FARS2: variants seen among roughly 807,000 people sequenced by gnomAD.
FARS2 encodes the protein phenylalanyl-tRNA synthetase 2, mitochondrial.
FARS2 carries 40 observed loss-of-function variants against 46.4 expected under a neutral mutation model. The observed-to-expected ratio is 0.86, with a 90% CI of 0.67 to 1.12. The LOEUF is 1.12. Among genes scored for constraint, FARS2 ranks in the 50% most tolerant of loss-of-function variants. The probability of loss-of-function intolerance (pLI) is 0.00; values close to 1 mark genes in which losing one functional copy is unlikely to be tolerated. For synonymous variants in FARS2, 234 were observed against 214.9 expected (o/e 1.09, Z -0.78); for missense variants, 513 against 567.9 (o/e 0.90, Z 0.98).
Position 5,431,070 on chromosome 6 carries a change from T to C in FARS2, c.802T>C (p.Phe268Leu). 6.2e-7 allele frequency: 1 copy of C among 1,613,938 alleles called. No homozygotes were observed. ...GGAGATAAGATGGGTAGACTGCTAC[T>C]TCCCTTTTACACATCCTTCCTTTGA... ...ELEIRWVDCY[F>L]PFTHPSFEME... Residue 268 changes from phenylalanine to leucine, a missense_variant, in exon 4 of 7, where the codon TTC (phenylalanine) becomes CTC (leucine). Coordinates refer to ENST00000274680, the MANE Select transcript of FARS2 (RefSeq NM_006567.5).
intron 6 of FARS2, among the ~76,000 whole-genome samples, chr6:5,633,085 G>C (rs1383928454): frequency 2.0e-5 from 3 of 151,634 alleles, no homozygotes; most frequent in Non-Finnish European, 4.4e-5. Context: ...AGCAAAGAAA[G>C]ATATAAGGAG....
chr6:5,684,284 C>T (rs78258403), intron 6 of FARS2, among the ~76,000 whole-genome samples: 2 of 152,104 alleles, frequency 1.3e-5, no homozygotes, highest in South Asian at 2.1e-4. Context: ...CCCACTGACA[C>T]GTCCCCGGCC....
At chr6:5,361,045 A>C (rs1353570154) in intron 1 of FARS2, among the ~76,000 whole-genome samples, 2 of 152,222 alleles carry the variant, frequency 1.3e-5, no homozygotes, top group African/African-American at 2.4e-5. Context: ...TGGAAATATA[A>C]ATACATAAAA....
At chr6:5,761,405 A>G (rs1375978950) in intron 6 of FARS2, among the ~76,000 whole-genome samples, 1 of 152,224 alleles carries the variant, frequency 6.6e-6, no homozygotes, top group Non-Finnish European at 1.5e-5. Context: ...AGCAGTTCGT[A>G]TACCTGTTTG....
chr6:5,527,792 G>A (rs1769562697), intron 4 of FARS2, among the ~76,000 whole-genome samples: 1 of 152,162 alleles, frequency 6.6e-6, no homozygotes, highest in South Asian at 2.1e-4. Flanking sequence ...TCTGAAAAAT[G>A]GAAATTGTTC....
chr6:5,629,323 G>A (rs990398796), intron 6 of FARS2, among the ~76,000 whole-genome samples: 1 of 152,184 alleles, frequency 6.6e-6, no homozygotes, highest in Non-Finnish European at 1.5e-5. Flanking sequence ...TCAAACAGGG[G>A]TAGCACCTTA....
chr6:5,273,251 T>G (rs1193174033), intron 1 of FARS2, among the ~76,000 whole-genome samples: 1 of 152,230 alleles, frequency 6.6e-6, no homozygotes, highest in East Asian at 1.9e-4. Flanking sequence ...CCACACAGTT[T>G]TCCATATTGG....
At chr6:5,269,231 C>T (rs970304669) in intron 1 of FARS2, among the ~76,000 whole-genome samples, 29 of 152,088 alleles carry the variant, frequency 1.9e-4, no homozygotes, top group African/African-American at 5.3e-4. Context: ...AGCAAACTAT[C>T]GCAAGGACAG....
intron 3 of FARS2, among the ~76,000 whole-genome samples, chr6:5,405,371 A>C (rs1761507000): frequency 6.6e-6 from 1 of 152,084 alleles, no homozygotes; most frequent in Non-Finnish European, 1.5e-5. Flanking sequence ...TTTGCTAAGA[A>C]TGATAATGGA....
chr6:5,739,130 C>G (rs1425774523), intron 6 of FARS2, among the ~76,000 whole-genome samples: 1 of 152,042 alleles, frequency 6.6e-6, no homozygotes, highest in East Asian at 1.9e-4. Flanking sequence ...TGAATGTGAC[C>G]TTTTGAGATG....
intron 4 of FARS2, among the ~76,000 whole-genome samples, chr6:5,518,206 A>G (rs945029198): frequency 2.0e-5 from 3 of 152,180 alleles, no homozygotes; most frequent in Non-Finnish European, 4.4e-5. Context: ...GCATAAGGGC[A>G]GTGGCTATAA....
intron 1 of FARS2, among the ~76,000 whole-genome samples, chr6:5,272,017 GTAATGGAGAAT>G (rs1765991725): frequency 6.6e-6 from 1 of 152,166 alleles, no homozygotes; most frequent in South Asian, 2.1e-4. Flanking sequence ...CTGAAAATAT[GTAATGGAGAAT>G]TCCAGAAATA....
At chr6:5,346,495 G>C (rs1381713679) in intron 1 of FARS2, among the ~76,000 whole-genome samples, 2 of 152,138 alleles carry the variant, frequency 1.3e-5, no homozygotes, top group Non-Finnish European at 2.9e-5. Flanking sequence ...GGTATCCATA[G>C]AGCCCCATGA....
At chr6:5,585,199 A>G (rs1773549281) in intron 5 of FARS2, among the ~76,000 whole-genome samples, 1 of 152,136 alleles carries the variant, frequency 6.6e-6, no homozygotes, top group South Asian at 2.1e-4. Context: ...AAAAATTTAT[A>G]TATTCAAGGT....
At chr6:5,715,613 A>G (rs1452809161) in intron 6 of FARS2, among the ~76,000 whole-genome samples, 1 of 152,158 alleles carries the variant, frequency 6.6e-6, no homozygotes, top group Non-Finnish European at 1.5e-5. Flanking sequence ...ACTCAGCATA[A>G]TGATGTCAAG....
At chr6:5,719,524 G>A (rs1759752618) in intron 6 of FARS2, among the ~76,000 whole-genome samples, 1 of 152,148 alleles carries the variant, frequency 6.6e-6, no homozygotes, top group Admixed American at 6.5e-5. Flanking sequence ...ATGCTAATGT[G>A]GGATTTTGAA....
intron 2 of FARS2, among the ~76,000 whole-genome samples, chr6:5,385,329 G>A (rs1760045428): frequency 6.6e-6 from 1 of 152,130 alleles, no homozygotes; most frequent in East Asian, 1.9e-4. Flanking sequence ...CTTAATATTT[G>A]CTGAAATGCT....
rs70975905 is a variant in FARS2, at chr6:5,407,066, T to TATATATATAA, written c.772+2366_772+2367insTATATATAAA. ...AATTATATATATATATATATATATA[T>TATATATATAA]AATGACCAATAAATATATGAAAAGA... On this transcript the variant is annotated intron_variant, in intron 3 of 6. Coordinates refer to ENST00000274680, the MANE Select transcript of FARS2 (RefSeq NM_006567.5). Among the ~76,000 whole-genome samples, 124 of 109,706 alleles carry TATATATATAA rather than the reference T, an allele frequency of 1.1e-3. 9 individuals are homozygous for TATATATATAA. The South Asian group carries it at 0.027, about 24-fold the overall frequency. 72.0% of individuals were successfully genotyped at this position (109,706 alleles called of 152,430 possible). A position where few individuals can be genotyped will look rare whatever the true frequency, so the allele number is the denominator to read the frequency against.
intron 4 of FARS2, among the ~76,000 whole-genome samples, chr6:5,496,212 T>C (rs891238079): frequency 5.9e-5 from 9 of 152,290 alleles, no homozygotes; most frequent in Non-Finnish European, 7.3e-5. Context: ...GTTGAATGTC[T>C]CTCTAGTTGC....
Sources: gnomAD v4.1 joint callset for allele counts (sites outside exome capture counted in the v4.1 genomes callset) on GRCh38, gnomAD v4.1.1 for gene constraint, MANE v1.5 for transcripts, NCBI Gene and HGNC (gene_info 2026-07-23, HGNC 2026-07-21) for gene names.